The following ITPR2 variants were observed in gnomAD, a reference collection of about 807,000 sequenced individuals.
ITPR2 encodes inositol 1,4,5-trisphosphate-gated calcium channel ITPR2.
In ITPR2, 207 loss-of-function variants were observed where a neutral mutation model predicts 317.1. That is an observed-to-expected ratio of 0.65 (90% CI 0.58 to 0.73). ITPR2 has a LOEUF of 0.73. Ranked by LOEUF, ITPR2 falls within the 30% of genes least tolerant of loss-of-function variation. The pLI, the probability that ITPR2 is intolerant of heterozygous loss-of-function variation, is 0.00. For synonymous variants in ITPR2, 1,156 were observed against 1,149.1 expected (o/e 1.01, Z -0.12); for missense variants, 2,613 against 3,284.0 (o/e 0.80, Z 4.99).
chr12:26,408,581 TTC>T (rs1196166940), intron 52 of ITPR2, among the ~76,000 whole-genome samples: 1 of 151,994 alleles, frequency 6.6e-6, no homozygotes, highest in Non-Finnish European at 1.5e-5. Context: ...GCCCTGGCAG[TTC>T]TCTCTCTCTG....
chr12:26,543,110 G>A (rs778148037), intron 37 of ITPR2, among the ~76,000 whole-genome samples: 22 of 152,030 alleles, frequency 1.4e-4, no homozygotes, highest in Non-Finnish European at 3.1e-4. Flanking sequence ...ACAAGATGCG[G>A]GAAATTGACC....
At chr12:26,808,465 T>C (rs547898859) in intron 1 of ITPR2, among the ~76,000 whole-genome samples, 21 of 152,356 alleles carry the variant, frequency 1.4e-4, no homozygotes, top group Non-Finnish European at 2.8e-4. Flanking sequence ...CAAATATTTA[T>C]TGAGTGTTGA....
intron 1 of ITPR2, among the ~76,000 whole-genome samples, chr12:26,814,458 A>T (rs1382636183): frequency 6.6e-6 from 1 of 152,194 alleles, no homozygotes; most frequent in Non-Finnish European, 1.5e-5. Flanking sequence ...ATAAATTAAA[A>T]ATTACAAAAT....
At position 26,487,266 on chromosome 12, in the gene ITPR2, A is replaced by G. The variant is rs137888412; in HGVS notation, c.5371-15T>C. On this transcript the variant is annotated splice_polypyrimidine_tract_variant and intron_variant, in intron 39 of 56. Transcript: ENST00000381340. Reference sequence around the variant, plus strand: ...TAGAAAGAATACTGCAAGAAAACATATTTTAAGACATCAATACCCAAGGGG... The same window carrying G: ...TAGAAAGAATACTGCAAGAAAACATGTTTTAAGACATCAATACCCAAGGGG... The G allele has an allele frequency of 1.0e-2, 15,633 of 1,568,632 alleles. 90 individuals carry two copies. The highest frequency in any genetic ancestry group is 0.012 in the Non-Finnish European group (13,990 of 1,158,370).
At chr12:26,427,286 T>C (rs1345937615) in intron 49 of ITPR2, among the ~76,000 whole-genome samples, 1 of 152,168 alleles carries the variant, frequency 6.6e-6, no homozygotes, top group African/African-American at 2.4e-5. Flanking sequence ...ATGCATAACG[T>C]TGGCTAGTCC....
At chr12:26,675,560 G>C (rs565248874) in intron 13 of ITPR2, among the ~76,000 whole-genome samples, 31 of 152,222 alleles carry the variant, frequency 2.0e-4, no homozygotes, top group Non-Finnish European at 3.8e-4. Context: ...GTGGGGGAAG[G>C]GGGGAGGGAT....
At chr12:26,430,483 C>A (rs1941177239) in intron 48 of ITPR2, among the ~76,000 whole-genome samples, 1 of 152,102 alleles carries the variant, frequency 6.6e-6, no homozygotes, top group Non-Finnish European at 1.5e-5. Flanking sequence ...AGGCTGGTCT[C>A]GAACTCCTGA....
rs57642539 is a variant in ITPR2 at position 26,451,365 on chromosome 12, TCACACACACACACACACA to T, written c.6343-7733_6343-7716del. 5.1e-5 allele frequency among the ~76,000 whole-genome samples: 7 copies of T among 136,410 alleles called. No individual in the cohort carries two copies. The South Asian group carries it at 1.2e-3, about 24-fold the overall frequency. 89.5% of individuals were successfully genotyped at this position (136,410 alleles called of 152,430 possible). A position where few individuals can be genotyped will look rare whatever the true frequency, so the allele number is the denominator to read the frequency against. ...GATCTCAAGACAGCTTTCTCTCATA[TCACACACACACACACACA>T]CACACACACACACACACACACACAC... On this transcript the variant is annotated intron_variant, in intron 45 of 56. Coordinates refer to ENST00000381340, the MANE Select transcript of ITPR2 (RefSeq NM_002223.4).
intron 31 of ITPR2, 104 bp from the exon 32 acceptor site, chr12:26,595,694 A>G: frequency 1.1e-6 from 1 of 899,206 alleles, no homozygotes; most frequent in Non-Finnish European, 1.6e-6. Flanking sequence ...TTTATGGTAG[A>G]TCATAGCATA....
intron 20 of ITPR2, 34 bp from the exon 21 acceptor site, chr12:26,654,160 G>A (rs755748101): frequency 6.0e-6 from 9 of 1,505,588 alleles, no homozygotes; most frequent in Non-Finnish European, 7.1e-6. Flanking sequence ...GAGGGGGAGG[G>A]TGAAAGAGTG....
intron 1 of ITPR2, among the ~76,000 whole-genome samples, chr12:26,812,566 G>A (rs1469142749): frequency 2.0e-5 from 3 of 152,168 alleles, no homozygotes; most frequent in South Asian, 2.1e-4. Flanking sequence ...GCGACAGAGC[G>A]AGACTCCGTC....
At chr12:26,455,253 C>A (rs1273794596) in intron 45 of ITPR2, among the ~76,000 whole-genome samples, 1 of 145,038 alleles carries the variant, frequency 6.9e-6, no homozygotes, top group Non-Finnish European at 1.5e-5. Flanking sequence ...ATTTCAACTT[C>A]AGGTTTCTTC....
At chr12:26,533,183 T>C (rs997392807) in intron 37 of ITPR2, among the ~76,000 whole-genome samples, 2 of 152,188 alleles carry the variant, frequency 1.3e-5, no homozygotes, top group African/African-American at 4.8e-5. Flanking sequence ...CCCACTTATC[T>C]TGGAACCAGT....
At chr12:26,599,903 TA>T (rs1945952938) in intron 29 of ITPR2, 83 bp downstream of exon 29, 1 of 990,850 alleles carries the variant, frequency 1.0e-6, no homozygotes, top group African/African-American at 1.6e-5. Flanking sequence ...CAAGGAAGTG[TA>T]ACAAAATTCT....
chr12:26,777,111 T>TA (rs1031666097), intron 2 of ITPR2, among the ~76,000 whole-genome samples: 1 of 152,128 alleles, frequency 6.6e-6, no homozygotes, highest in African/African-American at 2.4e-5. Flanking sequence ...CTCAGAGAGT[T>TA]AAAAAAAGGT....
intron 26 of ITPR2, among the ~76,000 whole-genome samples, chr12:26,608,526 G>A (rs1270349248): frequency 6.6e-6 from 1 of 151,204 alleles, no homozygotes; most frequent in Non-Finnish European, 1.5e-5. Context: ...CTGCTTGGCC[G>A]CCCCACTCGC....
rs116521475 is a variant in ITPR2, at chr12:26,588,086, G to A, written c.4380+7379C>T. Among the ~76,000 whole-genome samples the A allele has an allele frequency of 5.1e-3, 772 of 152,286 alleles. 6 individuals are homozygous for A. The highest frequency in any genetic ancestry group is 0.017 in the African/African-American group (695 of 41,562). ...AGAGATGCTACAGTCTTGAAAAGGG[G>A]TTATTTTAGAGTGAGGCATGGGAAT... On this transcript the variant is annotated intron_variant, in intron 32 of 56. Coordinates refer to ENST00000381340, the MANE Select transcript of ITPR2 (RefSeq NM_002223.4).
At chr12:26,812,693 C>G (rs1950778114) in intron 1 of ITPR2, among the ~76,000 whole-genome samples, 1 of 152,202 alleles carries the variant, frequency 6.6e-6, no homozygotes, top group Admixed American at 6.5e-5. Context: ...TCCAAAGGAC[C>G]ACTGAGGAAC....
intron 32 of ITPR2, among the ~76,000 whole-genome samples, chr12:26,590,539 A>T (rs1231350057): frequency 6.6e-6 from 1 of 152,192 alleles, no homozygotes; most frequent in Non-Finnish European, 1.5e-5. Context: ...CTCTTCAATA[A>T]ATAGTGCGAG....
Sources: gnomAD v4.1 joint callset for allele counts (sites outside exome capture counted in the v4.1 genomes callset) on GRCh38, gnomAD v4.1.1 for gene constraint, MANE v1.5 for transcripts, NCBI Gene and HGNC (gene_info 2026-07-23, HGNC 2026-07-21) for gene names.